The following TBL1X variants were observed in gnomAD, a reference collection of about 807,000 sequenced individuals.
TBL1X encodes the protein transducin beta like 1 X-linked.
TBL1X carries 10 observed loss-of-function variants against 50.7 expected under a neutral mutation model. The observed-to-expected ratio is 0.20, with a 90% CI of 0.12 to 0.33. The LOEUF is 0.33. Among genes scored for constraint, TBL1X ranks in the 10% least tolerant of loss-of-function variants. The pLI, the probability that TBL1X is intolerant of heterozygous loss-of-function variation, is 1.00. For missense variants in TBL1X, 340 were observed against 504.4 expected, an observed-to-expected ratio of 0.67 and a Z score of 3.12; for synonymous variants, 190 against 214.7, an observed-to-expected ratio of 0.88 and a Z score of 1.01.
intron 2 of TBL1X, among the ~76,000 whole-genome samples, chrX:9,555,068 C>G (rs1350997086): frequency 5.4e-5 from 6 of 111,646 alleles, no homozygotes; most frequent in African/African-American, 1.6e-4. Context: ...TGATCCTTCA[C>G]TTTTTATTTT....
chrX:9,562,346 A>G lies in TBL1X; in HGVS notation c.-131+60497A>G, dbSNP rs141306906. 6.2e-5 allele frequency among the ~76,000 whole-genome samples: 7 copies of G among 112,432 alleles called. No individual in the cohort carries two copies. The Admixed American group carries it at 6.6e-4, about 11-fold the overall frequency. ...TAAATAAAATTTAATCTTTTGCTGT[A>G]ATTTAAATAATAATAAGTGCTTACA... On this transcript the variant is annotated intron_variant, in intron 2 of 17. Transcript: ENST00000645353.
At chrX:9,683,409 G>T (rs1017649313) in intron 5 of TBL1X, among the ~76,000 whole-genome samples, 4 of 112,227 alleles carry the variant, frequency 3.6e-5, no homozygotes, top group Admixed American at 9.4e-5. Context: ...TGCACTGGGG[G>T]AGGAGAGGAA....
chrX:9,668,586 CTA>C (rs2082944112), intron 5 of TBL1X, among the ~76,000 whole-genome samples: 1 of 112,178 alleles, frequency 8.9e-6, no homozygotes, highest in Non-Finnish European at 1.9e-5. Flanking sequence ...TTTATAGAAA[CTA>C]TTTGAGTATT....
At chrX:9,484,513 T>C (rs1349186019) in intron 1 of TBL1X, among the ~76,000 whole-genome samples, 2 of 111,112 alleles carry the variant, frequency 1.8e-5, no homozygotes, top group Non-Finnish European at 3.8e-5. Flanking sequence ...TCATATGGTA[T>C]GTACTCATTA....
intron 2 of TBL1X, among the ~76,000 whole-genome samples, chrX:9,629,177 A>G (rs2082707859): frequency 8.9e-6 from 1 of 112,858 alleles, no homozygotes; most frequent in South Asian, 3.6e-4. Context: ...ATCTAATATG[A>G]TACTGCTCTA....
intron 2 of TBL1X, among the ~76,000 whole-genome samples, chrX:9,583,346 C>A (rs761061906): frequency 8.9e-6 from 1 of 112,207 alleles, no homozygotes; most frequent in South Asian, 3.7e-4. Flanking sequence ...CTGCAGTGAC[C>A]CTTTTTTCCC....
intron 1 of TBL1X, among the ~76,000 whole-genome samples, chrX:9,497,763 TCCCTCCCTCC>T (rs2081978904): frequency 7.6e-4 from 24 of 31,657 alleles, no homozygotes; most frequent in Non-Finnish European, 1.2e-3. Flanking sequence ...CCTCCCTCCC[TCCCTCCCTCC>T]CTCTCTCTCT....
intron 6 of TBL1X, 65 bp downstream of exon 6, chrX:9,684,253 A>G (rs1003127809): frequency 8.6e-7 from 1 of 1,169,239 alleles, no homozygotes; most frequent in African/African-American, 1.8e-5. Flanking sequence ...AGCTTGGAAC[A>G]CATTGGAAGC....
rs960258624 is a variant in TBL1X, at chrX:9,705,634, T to C, written c.1236+520T>C. Among the ~76,000 whole-genome samples, 29 of 105,801 alleles carry C rather than the reference T, an allele frequency of 2.7e-4. No homozygotes were observed. The Admixed American group carries it at 2.8e-3, about 10-fold the overall frequency. The allele number at this position is 105,801 out of a possible 115,157, so 91.9% of individuals were successfully genotyped here. On this transcript the variant is annotated intron_variant, in intron 13 of 17. Transcript: ENST00000645353. ...AGCTGCGTATGGTGATGCACACCTGTAGTCACATCCCAGGAGCTGAAGGCT... is the reference window on the plus strand; with the variant it reads ...AGCTGCGTATGGTGATGCACACCTGCAGTCACATCCCAGGAGCTGAAGGCT...
chrX:9,671,820 G>A, intron 5 of TBL1X, among the ~76,000 whole-genome samples: 1 of 112,398 alleles, frequency 8.9e-6, no homozygotes, highest in Non-Finnish European at 1.9e-5. Flanking sequence ...CAAACTGTTT[G>A]AAAAGACTGT....
At chrX:9,613,091 A>C (rs1037175208) in intron 2 of TBL1X, among the ~76,000 whole-genome samples, 2 of 111,657 alleles carry the variant, frequency 1.8e-5, no homozygotes, top group East Asian at 5.5e-4. Context: ...TTTTAAGCTG[A>C]AAGTTACACT....
At chrX:9,561,729 G>A (rs1287702803) in intron 2 of TBL1X, among the ~76,000 whole-genome samples, 1 of 112,260 alleles carries the variant, frequency 8.9e-6, no homozygotes, top group Non-Finnish European at 1.9e-5. Context: ...TCTTGGATTA[G>A]CTGATTATTT....
In TBL1X at chrX:9,691,844, A is replaced by G. The variant is rs776920358; in HGVS notation, c.749+133A>G. ...CCCCGGTGTGTGGGCAGACCAAGGA[A>G]TGGGTGGCTCTATGAGCCACTTCTC... On this transcript the variant is annotated intron_variant, in intron 8 of 17. Coordinates refer to ENST00000645353, the MANE Select transcript of TBL1X (RefSeq NM_005647.4). 21 of 941,184 alleles carry G rather than the reference A, an allele frequency of 2.2e-5. No individual in the cohort carries two copies. In the South Asian group the frequency reaches 3.7e-4, roughly 17 times the overall value. The allele number at this position is 941,184 out of a possible 1,213,427, so 77.6% of individuals were successfully genotyped here.
rs141895446 is a variant in TBL1X at position 9,699,304 on chromosome X, G to A, written c.1114+1875G>A. Among the ~76,000 whole-genome samples, 223 of 111,561 alleles carry A rather than the reference G, an allele frequency of 2.0e-3. 1 individual carries two copies. Among genetic ancestry groups the A allele is most frequent in the African/African-American group, 6.8e-3 (210 of 30,687 alleles). On this transcript the variant is annotated intron_variant, in intron 12 of 17. Coordinates refer to ENST00000645353, the MANE Select transcript of TBL1X (RefSeq NM_005647.4). ...GTGTAACTCAGTCCTGATGTTAGAC[G>A]TGGCCTCTTAAAACAAAGACAGATG... is the stretch of plus-strand genomic sequence containing the variant.
intron 2 of TBL1X, among the ~76,000 whole-genome samples, chrX:9,557,303 A>G (rs1356619026): frequency 8.9e-6 from 1 of 112,578 alleles, no homozygotes; most frequent in Non-Finnish European, 1.9e-5. Flanking sequence ...AATCCATTAC[A>G]TATTTTCGAA....
At chrX:9,546,565 T>C (rs988919590) in intron 2 of TBL1X, among the ~76,000 whole-genome samples, 1 of 111,372 alleles carries the variant, frequency 9.0e-6, no homozygotes, top group East Asian at 2.8e-4. Flanking sequence ...CAAGTCTGTT[T>C]ACTTATGTGT....
At chrX:9,595,948 T>C (rs908832897) in intron 2 of TBL1X, among the ~76,000 whole-genome samples, 1 of 112,432 alleles carries the variant, frequency 8.9e-6, no homozygotes, top group Non-Finnish European at 1.9e-5. Context: ...CATGTTTAAA[T>C]TGTTTCCGCA....
chrX:9,609,832 G>A (rs903901182), intron 2 of TBL1X, among the ~76,000 whole-genome samples: 9 of 112,113 alleles, frequency 8.0e-5, no homozygotes, highest in African/African-American at 2.6e-4. Context: ...CTAACGAGGT[G>A]GAATATTTGA....
chrX:9,553,814 A>G (rs2082282315), intron 2 of TBL1X, among the ~76,000 whole-genome samples: 1 of 112,442 alleles, frequency 8.9e-6, no homozygotes, highest in African/African-American at 3.2e-5. Flanking sequence ...TCAGTCCAAA[A>G]TAAAGGAATA....
Sources: allele counts gnomAD v4.1 joint callset (sites outside exome capture counted in the v4.1 genomes callset), GRCh38; gene constraint gnomAD v4.1.1; transcripts MANE v1.5; gene names NCBI Gene and HGNC (gene_info 2026-07-23, HGNC 2026-07-21).